Variants in PDE10A observed in about 807,000 individuals in gnomAD.
PDE10A encodes phosphodiesterase 10A, also known as cAMP and cAMP-inhibited cGMP 3',5'-cyclic phosphodiesterase 10A.
PDE10A carries 39 observed loss-of-function variants against 97.7 expected under a neutral mutation model. That is an observed-to-expected ratio of 0.40 (90% CI 0.31 to 0.52). PDE10A has a LOEUF of 0.52. Among genes scored for constraint, PDE10A ranks in the 20% least tolerant of loss-of-function variants. The probability of loss-of-function intolerance (pLI) is 0.56; values close to 1 mark genes in which losing one functional copy is unlikely to be tolerated. For missense variants in PDE10A, 731 were observed against 1,047.8 expected, an observed-to-expected ratio of 0.70 and a Z score of 4.17; for synonymous variants, 371 against 376.8, an observed-to-expected ratio of 0.98 and a Z score of 0.18.
intron 3 of PDE10A, among the ~76,000 whole-genome samples, chr6:165,459,573 TGATA>T (rs1458972285): frequency 2.5e-5 from 3 of 120,232 alleles, no homozygotes; most frequent in Non-Finnish European, 5.2e-5. Flanking sequence ...AGATAGATAA[TGATA>T]GATATATATA....
At chr6:165,766,932 A>G (rs1777867044) in intron 1 of PDE10A, among the ~76,000 whole-genome samples, 1 of 152,236 alleles carries the variant, frequency 6.6e-6, no homozygotes, top group Non-Finnish European at 1.5e-5. Flanking sequence ...GAAGATTTTG[A>G]CAAAAAGAGA....
At chr6:165,668,847 T>C (rs934643840) in intron 1 of PDE10A, among the ~76,000 whole-genome samples, 2 of 152,004 alleles carry the variant, frequency 1.3e-5, no homozygotes, top group African/African-American at 4.8e-5. Flanking sequence ...ATGGGTGAAG[T>C]GTTCTGACAT....
At chr6:165,676,904 G>A (rs548196426) in intron 1 of PDE10A, among the ~76,000 whole-genome samples, 7 of 152,342 alleles carry the variant, frequency 4.6e-5, no homozygotes, top group Admixed American at 4.6e-4. Flanking sequence ...TCACAGCATG[G>A]CTGGGGCCTC....
chr6:165,452,051 C>T (rs1791335577), intron 3 of PDE10A, among the ~76,000 whole-genome samples: 1 of 152,210 alleles, frequency 6.6e-6, no homozygotes, highest in Non-Finnish European at 1.5e-5. Flanking sequence ...TCGCAATCCC[C>T]TGGCTATGTC....
intron 2 of PDE10A, among the ~76,000 whole-genome samples, chr6:165,504,286 C>T (rs1185232045): frequency 6.6e-6 from 1 of 152,048 alleles, no homozygotes; most frequent in Non-Finnish European, 1.5e-5. Context: ...GCATTATGAT[C>T]TTTTTATTAA....
chr6:165,609,110 T>G (rs1396481628), intron 1 of PDE10A, among the ~76,000 whole-genome samples: 1 of 152,030 alleles, frequency 6.6e-6, no homozygotes, highest in Non-Finnish European at 1.5e-5. Flanking sequence ...CTCTTTAGTT[T>G]AATTAGATCC....
At chr6:165,887,169 CCTT>C (rs767571194) in intron 1 of PDE10A, among the ~76,000 whole-genome samples, 3 of 152,292 alleles carry the variant, frequency 2.0e-5, no homozygotes, top group South Asian at 2.1e-4. Flanking sequence ...TGAGCATGAA[CCTT>C]CTTCTCCCAC....
At chr6:165,619,409 CTAGTG>C (rs1562634727) in intron 1 of PDE10A, among the ~76,000 whole-genome samples, 4 of 7,290 alleles carry the variant, frequency 5.5e-4, no homozygotes, top group Admixed American at 1.2e-3. Flanking sequence ...GTAGTGTAGT[CTAGTG>C]TAGTGTAGTG....
At chr6:165,516,852 AACCTACTT>A (rs927388402) in intron 2 of PDE10A, among the ~76,000 whole-genome samples, 86 of 152,312 alleles carry the variant, frequency 5.6e-4, no homozygotes, top group African/African-American at 1.8e-3. Context: ...AGTAAAATAA[AACCTACTT>A]TTAGACAATG....
At chr6:165,983,591 G>A (rs1018758711) in intron 1 of PDE10A, among the ~76,000 whole-genome samples, 2 of 152,092 alleles carry the variant, frequency 1.3e-5, no homozygotes, top group Non-Finnish European at 1.5e-5. Context: ...ATTTCCAGTC[G>A]CCTTCATTTC....
At chr6:165,928,320 T>C (rs1187967545) in intron 1 of PDE10A, among the ~76,000 whole-genome samples, 1 of 152,114 alleles carries the variant, frequency 6.6e-6, no homozygotes, top group African/African-American at 2.4e-5. Context: ...AGCAGATTGA[T>C]TGGAGGATGA....
At chr6:165,781,335 C>T (rs1160156566) in intron 1 of PDE10A, 3 of 152,170 alleles carry the variant, frequency 2.0e-5, no homozygotes. Context: ...TACGGCCACA[C>T]TGTACAGACT....
At chr6:165,911,863 C>G (rs535260545) in intron 1 of PDE10A, among the ~76,000 whole-genome samples, 1 of 152,078 alleles carries the variant, frequency 6.6e-6, no homozygotes, top group African/African-American at 2.4e-5. Flanking sequence ...AGGTGCTGTC[C>G]GGAGGAAGCT....
In PDE10A at chr6:165,880,485, C is replaced by A. The variant is rs536660401; in HGVS notation, c.-615+107044G>T. 2.0e-5 allele frequency among the ~76,000 whole-genome samples: 3 copies of A among 152,248 alleles called. No individual in the cohort carries two copies. In the East Asian group the frequency reaches 5.8e-4, roughly 29 times the overall value. ...GAATTCAAAATGCAAGGATGTTGGG[C>A]CAGATGCTGGATGCAGAGAAGTGTC... On this transcript the variant is annotated intron_variant, in intron 1 of 19. Coordinates refer to the PDE10A transcript ENST00000366882.
chr6:165,524,245 A>C (rs538762591), intron 2 of PDE10A, among the ~76,000 whole-genome samples: 1 of 152,264 alleles, frequency 6.6e-6, no homozygotes, highest in Admixed American at 6.5e-5. Flanking sequence ...GAGAACCCTG[A>C]CTAATACAGA....
chr6:165,438,763 G>A (rs1484726384), intron 5 of PDE10A, among the ~76,000 whole-genome samples: 1 of 151,986 alleles, frequency 6.6e-6, no homozygotes, highest in Non-Finnish European at 1.5e-5. Flanking sequence ...TTCAAGATCA[G>A]CCTGGGCAAC....
chr6:165,673,476 C>T (rs971853353), intron 1 of PDE10A, among the ~76,000 whole-genome samples: 8 of 152,214 alleles, frequency 5.3e-5, no homozygotes, highest in Non-Finnish European at 7.3e-5. Flanking sequence ...GTTAAAACCT[C>T]GCCGGAGCTG....
At chr6:165,460,722 T>A (rs1382472987) in intron 3 of PDE10A, among the ~76,000 whole-genome samples, 1 of 152,192 alleles carries the variant, frequency 6.6e-6, no homozygotes, top group Non-Finnish European at 1.5e-5. Context: ...CAACCAATTA[T>A]AACTTCTGCA....
chr6:165,814,073 T>C (rs1020569642), intron 1 of PDE10A, among the ~76,000 whole-genome samples: 2 of 152,220 alleles, frequency 1.3e-5, no homozygotes, highest in African/African-American at 4.8e-5. Flanking sequence ...TTTGAGTTGA[T>C]ACAAAGGTGT....
Sources: gnomAD v4.1 joint callset for allele counts (sites outside exome capture counted in the v4.1 genomes callset) on GRCh38, gnomAD v4.1.1 for gene constraint, MANE v1.5 for transcripts, NCBI Gene and HGNC (gene_info 2026-07-23, HGNC 2026-07-21) for gene names.